Variants in PEPD observed in about 807,000 individuals in gnomAD.
PEPD encodes the protein peptidase D, also known as xaa-Pro dipeptidase.
Under a neutral mutation model 60.7 loss-of-function variants are expected in PEPD, and 53 were observed. The ratio of observed to expected loss-of-function variants is 0.87; its 90% CI spans 0.70 to 1.10. The LOEUF (loss-of-function observed/expected upper bound fraction) is 1.10. PEPD is among the 50% of genes least tolerant of loss of function. The pLI, the probability that PEPD is intolerant of heterozygous loss-of-function variation, is 0.00. For missense variants in PEPD, 711 were observed against 711.9 expected (o/e 1.00, Z 0.01); for synonymous variants, 267 against 284.1 (o/e 0.94, Z 0.60).
chr19:33,464,496 C>T (rs1032146535), intron 7 of PEPD, among the ~76,000 whole-genome samples: 2 of 152,168 alleles, frequency 1.3e-5, no homozygotes, highest in African/African-American at 4.8e-5. Flanking sequence ...GCTGAAGAGG[C>T]CTCGTTTCCT....
rs1035654550 is a variant in PEPD, at chr19:33,391,479, C to T, written c.968G>A (p.Gly323Asp). The change falls in exon 13 of 15, where the codon GGT becomes GAT. Residue 323 changes from glycine (G) to aspartate (D), a missense_variant and splice_region_variant. Coordinates refer to ENST00000244137, the MANE Select transcript of PEPD (RefSeq NM_000285.4). The part of the protein sequence containing the change: ...SRAVMGAMKP[G>D]VWWPDMHRLA... ...GCGGTGCATGTCAGGCCACCAGACA[C>T]CTGTGGGCCAGAGGGAGCTGCCGTG... 6.5e-6 allele frequency: 10 copies of T among 1,549,456 alleles called. No homozygotes were observed. The African/African-American group carries it at 8.2e-5, about 13-fold the overall frequency.
At chr19:33,391,273 C>T (rs780688002) in intron 13 of PEPD, 22 bp downstream of exon 13, 65 of 1,591,494 alleles carry the variant, frequency 4.1e-5, no homozygotes, top group East Asian at 6.7e-5. Flanking sequence ...CAGGCCACTC[C>T]GCCTGCCATG....
chr19:33,396,970 C>T (rs952146218), intron 12 of PEPD, among the ~76,000 whole-genome samples: 2 of 152,170 alleles, frequency 1.3e-5, no homozygotes, highest in South Asian at 2.1e-4. Context: ...GCGCCTCCCC[C>T]CATTCCCCTC....
At chr19:33,513,432 C>T (rs548043908) in intron 1 of PEPD, among the ~76,000 whole-genome samples, 8 of 152,150 alleles carry the variant, frequency 5.3e-5, no homozygotes, top group Non-Finnish European at 1.2e-4. Flanking sequence ...CACAAAGCAC[C>T]TGCACCTGGA....
intron 11 of PEPD, among the ~76,000 whole-genome samples, chr19:33,402,574 G>T (rs1325241850): frequency 1.3e-5 from 2 of 152,316 alleles, no homozygotes; most frequent in Non-Finnish European, 1.5e-5. Context: ...TTCTGCCAGG[G>T]CCCAAGGGGA....
At chr19:33,398,811 C>T (rs1968425464) in intron 12 of PEPD, among the ~76,000 whole-genome samples, 2 of 152,186 alleles carry the variant, frequency 1.3e-5, no homozygotes, top group Non-Finnish European at 1.5e-5. Context: ...CAAACTGTCC[C>T]GTCCCTTCCT....
intron 2 of PEPD, chr19:33,511,431 G>C: frequency 2.3e-6 from 1 of 437,786 alleles, no homozygotes; most frequent in Non-Finnish European, 4.3e-6. Context: ...CCCACCCCCG[G>C]GCCCACAACA....
intron 3 of PEPD, among the ~76,000 whole-genome samples, chr19:33,504,627 G>A (rs1410851333): frequency 6.6e-6 from 1 of 152,268 alleles, no homozygotes; most frequent in African/African-American, 2.4e-5. Flanking sequence ...TTAGCTGGGT[G>A]TGGTGGCTGT....
intron 2 of PEPD, 173 bp from the exon 3 acceptor site, chr19:33,511,328 G>A (rs1181343371): frequency 1.3e-5 from 9 of 668,480 alleles, no homozygotes; most frequent in South Asian, 4.9e-5. Flanking sequence ...TCATCCTCCC[G>A]TAGTTTGGCA....
At chr19:33,489,348 G>T (rs1970454566) in intron 6 of PEPD, among the ~76,000 whole-genome samples, 1 of 152,228 alleles carries the variant, frequency 6.6e-6, no homozygotes, top group South Asian at 2.1e-4. Context: ...GGGGGCTTGG[G>T]ACAGGCACGG....
At chr19:33,449,312 T>C (rs373998773) in intron 9 of PEPD, among the ~76,000 whole-genome samples, 1 of 152,188 alleles carries the variant, frequency 6.6e-6, no homozygotes, top group Non-Finnish European at 1.5e-5. Flanking sequence ...CTGAGCAATT[T>C]CAGCAGAGCC....
intron 10 of PEPD, among the ~76,000 whole-genome samples, chr19:33,412,279 G>A (rs1124514): frequency 0.16 from 24,971 of 152,074 alleles, 2,130 homozygotes; most frequent in African/African-American, 0.19. Flanking sequence ...CCTGGGAAGT[G>A]GAGACTGCAA....
At chr19:33,391,882 AC>A (rs1422243281) in intron 12 of PEPD, among the ~76,000 whole-genome samples, 1 of 152,178 alleles carries the variant, frequency 6.6e-6, no homozygotes, top group Non-Finnish European at 1.5e-5. Context: ...AGTAGCAGAC[AC>A]CAGGAGACTC....
chr19:33,468,667 G>C (rs1481320968), intron 7 of PEPD, among the ~76,000 whole-genome samples: 1 of 152,224 alleles, frequency 6.6e-6, no homozygotes, highest in Non-Finnish European at 1.5e-5. Context: ...CCAGCCATTT[G>C]TCACTGGGAA....
intron 6 of PEPD, among the ~76,000 whole-genome samples, chr19:33,478,654 C>A (rs1286145461): frequency 6.6e-6 from 1 of 151,710 alleles, no homozygotes; most frequent in Non-Finnish European, 1.5e-5. Flanking sequence ...GGAGAGAAGG[C>A]AGTGGGATGA....
At chr19:33,390,627 G>A (rs1488439488) in intron 13 of PEPD, among the ~76,000 whole-genome samples, 3 of 152,250 alleles carry the variant, frequency 2.0e-5, no homozygotes, top group African/African-American at 7.2e-5. Flanking sequence ...CAGCCGAGAG[G>A]CCGTAGCCAC....
In PEPD at chr19:33,388,100, A is replaced by C. The variant is rs1968123494; in HGVS notation, c.1153-19T>G. 2 of 1,542,774 alleles carry C rather than the reference A, an allele frequency of 1.3e-6. No individual in the cohort carries two copies. The highest frequency in any genetic ancestry group is 1.7e-6 in the Non-Finnish European group (2 of 1,145,716). On this transcript the variant is annotated intron_variant, in intron 13 of 14. Transcript: ENST00000244137. Reference sequence around the variant, plus strand: ...CCACGCCCTGTGGGGAACAGAGGTGAGGGGCCTGATGAGCAGCTCCAGGGC... The same window carrying C: ...CCACGCCCTGTGGGGAACAGAGGTGCGGGGCCTGATGAGCAGCTCCAGGGC...
At chr19:33,412,812 G>A (rs928883609) in intron 10 of PEPD, among the ~76,000 whole-genome samples, 1 of 152,206 alleles carries the variant, frequency 6.6e-6, no homozygotes, top group African/African-American at 2.4e-5. Context: ...GGCCAGACCC[G>A]AGGGGCAGAG....
At chr19:33,490,605 C>G (rs1970480855) in intron 5 of PEPD, among the ~76,000 whole-genome samples, 1 of 152,176 alleles carries the variant, frequency 6.6e-6, no homozygotes, top group South Asian at 2.1e-4. Context: ...GGAGACAAAA[C>G]AAGGGACTTG....
Sources: gnomAD v4.1 joint callset for allele counts (sites outside exome capture counted in the v4.1 genomes callset) on GRCh38, gnomAD v4.1.1 for gene constraint, MANE v1.5 for transcripts, NCBI Gene and HGNC (gene_info 2026-07-23, HGNC 2026-07-21) for gene names.